MAPK13: variants seen among roughly 807,000 people sequenced by gnomAD.
MAPK13 encodes mitogen-activated protein kinase 13.
A neutral mutation model predicts 53.5 loss-of-function variants in MAPK13; 39 were observed. The ratio of observed to expected loss-of-function variants is 0.73; its 90% CI spans 0.56 to 0.95. The LOEUF is 0.95. Among genes scored for constraint, MAPK13 ranks in the 40% least tolerant of loss-of-function variants. MAPK13 has a pLI of 0.00. For synonymous variants in MAPK13, 179 were observed against 190.9 expected (o/e 0.94, Z 0.51); for missense variants, 460 against 471.8 (o/e 0.98, Z 0.23).
intron 9 of MAPK13, 94 bp downstream of exon 9, chr6:36,138,538 AG>A (rs1366015381): frequency 3.0e-6 from 4 of 1,353,590 alleles, no homozygotes; most frequent in Non-Finnish European, 3.1e-6. Flanking sequence ...AAGGCTCACC[AG>A]CACCTTCCCA....
At position 36,130,735 on chromosome 6, in the gene MAPK13, G is replaced by GGGGGGC. The variant is rs758340632; in HGVS notation, c.119+36_119+37insGGGCGG. 1 of 1,087,622 alleles carries GGGGGGC rather than the reference G, an allele frequency of 9.2e-7. No individual in the cohort carries two copies. Among genetic ancestry groups the GGGGGGC allele is most frequent in the Non-Finnish European group, 1.3e-6 (1 of 757,874 alleles). 67.4% of individuals were successfully genotyped at this position (1,087,622 alleles called of 1,614,324 possible). ...CCTGGGCCGCTGGGGGGCGGGGGGC[G>GGGGGGC]GGCGCCAGGCTCTCCCCTTTCCGCC... is the stretch of plus-strand genomic sequence containing the variant. On this transcript the variant is annotated intron_variant, in intron 1 of 11. Transcript: ENST00000211287. The surrounding 1 kb of genome is among the most constrained non-coding windows in gnomAD (Gnocchi z 4.5).
At chr6:36,139,133 C>G in intron 11 of MAPK13, 78 bp downstream of exon 11, 1 of 1,477,570 alleles carries the variant, frequency 6.8e-7, no homozygotes, top group African/African-American at 1.4e-5. Flanking sequence ...TGTGCCTGGC[C>G]TCTGCCAGCC....
chr6:36,134,640 C>T (rs543838080), intron 3 of MAPK13, among the ~76,000 whole-genome samples: 1 of 152,240 alleles, frequency 6.6e-6, no homozygotes, highest in South Asian at 2.1e-4. Context: ...TCAAGTGATC[C>T]TCCCACCTCA....
At chr6:36,138,497 G>A in intron 9 of MAPK13, 53 bp downstream of exon 9, 1 of 1,545,968 alleles carries the variant, frequency 6.5e-7, no homozygotes, top group Non-Finnish European at 8.9e-7. Flanking sequence ...TGCCTGACGT[G>A]GGCCCAGTGG....
At position 36,139,348 on chromosome 6, in the gene MAPK13, G is replaced by A. The variant is rs200916556; in HGVS notation, c.1073G>A (p.Arg358Gln). 5.0e-6 allele frequency: 8 copies of A among 1,614,114 alleles called. No individual in the cohort carries two copies. In the East Asian group the frequency reaches 6.7e-5, roughly 13 times the overall value. ...NFSPIARKDSRRRSGMKL is the reference protein window; with the variant it reads ...NFSPIARKDSQRRSGMKL Reference sequence around the variant, plus strand: ...AGCCCCATTGCCCGGAAGGACTCACGGCGCCGGAGTGGCATGAAGCTGTAG... The same window carrying A: ...AGCCCCATTGCCCGGAAGGACTCACAGCGCCGGAGTGGCATGAAGCTGTAG... The change falls in exon 12 of 12, where the codon CGG becomes CAG. Residue 358 changes from arginine to glutamine, a missense_variant. Transcript: ENST00000211287.
At chr6:36,135,889 G>GGTC in intron 4 of MAPK13, 28 bp downstream of exon 4, 1 of 1,599,154 alleles carries the variant, frequency 6.3e-7, no homozygotes, top group Non-Finnish European at 8.6e-7. Context: ...GGCTGGCAGA[G>GGTC]GGGACGCCTT....
intron 2 of MAPK13, among the ~76,000 whole-genome samples, chr6:36,132,030 C>T (rs1248524668): frequency 6.6e-6 from 1 of 152,234 alleles, no homozygotes; most frequent in Non-Finnish European, 1.5e-5. Context: ...GGCAGCCAGG[C>T]TTTGCTGCAG....
Position 36,136,682 on chromosome 6 carries a change from T to C in MAPK13, c.522T>C (p.His174=), listed in dbSNP as rs775157800. 1.9e-6 allele frequency: 3 copies of C among 1,613,856 alleles called. No homozygotes were observed. The highest frequency in any genetic ancestry group is 1.1e-5 in the South Asian group (1 of 91,034). The part of the protein sequence containing the change: ...LKILDFGLAR[H]ADAEMTGYVV... The stretch of plus-strand genomic sequence containing the variant: ...TTCTGGATTTTGGGCTGGCGCGACA[T>C]GCAGACGCCGAGATGACTGGCTACG... Residue 174 remains histidine (H), a synonymous_variant, in exon 7 of 12, where the codon CAT becomes CAC. Transcript: ENST00000211287.
intron 3 of MAPK13, among the ~76,000 whole-genome samples, chr6:36,133,253 C>T (rs1766353528): frequency 6.6e-6 from 1 of 152,208 alleles, no homozygotes; most frequent in South Asian, 2.1e-4. Context: ...TCTGGACTGA[C>T]CCTACAGGCA....
chr6:36,136,624 A>C (rs1156480975), intron 6 of MAPK13, 32 bp from the exon 7 acceptor site: 1 of 1,612,306 alleles, frequency 6.2e-7, no homozygotes, highest in South Asian at 1.1e-5. Flanking sequence ...CCCCTCAGCA[A>C]GTTCCTTTTC....
chr6:36,133,372 G>T (rs570373071), intron 3 of MAPK13, among the ~76,000 whole-genome samples: 2 of 152,196 alleles, frequency 1.3e-5, no homozygotes, highest in South Asian at 4.1e-4. Flanking sequence ...CGGAGGCAGA[G>T]GGGGAGAGCC....
In MAPK13 at chr6:36,130,932, G is replaced by T; in HGVS notation, c.119+231G>T. The T allele has an allele frequency of 1.9e-6, 1 of 514,066 alleles. No individual in the cohort carries two copies. The highest frequency in any genetic ancestry group is 3.4e-6 in the Non-Finnish European group (1 of 290,198). The allele number at this position is 514,066 out of a possible 1,614,324, so 31.8% of individuals were successfully genotyped here. A position where few individuals can be genotyped will look rare whatever the true frequency, so the allele number is the denominator to read the frequency against. On this transcript the variant is annotated intron_variant, in intron 1 of 11. Coordinates refer to ENST00000211287, the MANE Select transcript of MAPK13 (RefSeq NM_002754.5). The surrounding 1 kb of genome is among the most constrained non-coding windows in gnomAD (Gnocchi z 4.5). ...CCTGGTTCTCCAGGACTGTACACTT[G>T]CAAGACCCCAGAGTTCATCGGGCAG...
Position 36,139,247 on chromosome 6 carries a change from C to T in MAPK13, c.1019-47C>T, listed in dbSNP as rs368942533. 3.4e-4 allele frequency: 538 copies of T among 1,567,056 alleles called. 2 individuals are homozygous for T. Among genetic ancestry groups the T allele is most frequent in the Non-Finnish European group, 4.6e-4 (518 of 1,137,894 alleles). The stretch of plus-strand genomic sequence containing the variant: ...GTCTCTGAAGGGGGGTGGACTTTCT[C>T]GCCACAGCACCTCTTTACGCACCTT... On this transcript the variant is annotated intron_variant, in intron 11 of 11. Transcript: ENST00000211287.
rs958106704 is a variant in MAPK13, at chr6:36,141,187, T to G, written c.*1814T>G. 6.6e-6 allele frequency: 1 copy of G among 152,198 alleles called. No individual in the cohort carries two copies. The highest frequency in any genetic ancestry group is 2.4e-5 in the African/African-American group (1 of 41,450). 9.4% of individuals were successfully genotyped at this position (152,198 alleles called of 1,614,324 possible). A position where few individuals can be genotyped will look rare whatever the true frequency, so the allele number is the denominator to read the frequency against. On this transcript the variant is annotated 3_prime_UTR_variant, in exon 12 of 12. Coordinates refer to ENST00000211287, the MANE Select transcript of MAPK13 (RefSeq NM_002754.5). ...GTGCATTTGTTACCATCTGTAGGAC[T>G]GGATAACACAGAGTGAACCCTCAAG...
rs1414186868 is a variant in MAPK13, at chr6:36,135,759, G to A, written c.315G>A (p.Leu105=). The part of the protein sequence containing the change: ...SSLRNFYDFY[L]VMPFMQTDLQ... ...AACCCCTCATGCCTTCCAGCTACCT[G>A]GTGATGCCCTTCATGCAGACGGATC... is the stretch of plus-strand genomic sequence containing the variant. The change falls in exon 4 of 12, where the codon CTG becomes CTA. Residue 105 remains leucine, a synonymous_variant. Transcript: ENST00000211287. The A allele has an allele frequency of 6.2e-7, 1 of 1,612,416 alleles. No individual in the cohort carries two copies. Among genetic ancestry groups the A allele is most frequent in the East Asian group, 2.2e-5 (1 of 44,884 alleles).
Position 36,136,538 on chromosome 6 carries a change from G to A in MAPK13, c.495+7G>A. On this transcript the variant is annotated splice_region_variant and intron_variant, in intron 6 of 11. Transcript: ENST00000211287. ...TGAGGACTGTGAACTGAAGGTGAGT[G>A]GGCTGCAGGCTCAGCCCAGAGGCGG... 1 of 1,603,174 alleles carries A rather than the reference G, an allele frequency of 6.2e-7. No homozygotes were observed. Among genetic ancestry groups the A allele is most frequent in the East Asian group, 2.2e-5 (1 of 44,824 alleles).
intron 2 of MAPK13, 92 bp from the exon 3 acceptor site, chr6:36,132,529 G>A (rs961380289): frequency 3.6e-6 from 4 of 1,123,824 alleles, no homozygotes; most frequent in Non-Finnish European, 4.1e-6. Flanking sequence ...TATTAGGAAA[G>A]GGTGGATGGC....
Position 36,138,379 on chromosome 6 carries a change from A to G in MAPK13, c.697A>G (p.Thr233Ala). ...FKGKDYLDQL[T>A]QILKVTGVPG... ...CTGCCACCAAGACCTGGACCAGCTG[A>G]CCCAGATCCTGAAAGTGACCGGGGT... The change falls in exon 9 of 12, where the codon ACC (threonine) becomes GCC (alanine). Residue 233 changes from threonine (T) to alanine (A), a missense_variant. Coordinates refer to ENST00000211287, the MANE Select transcript of MAPK13 (RefSeq NM_002754.5). 1.2e-6 allele frequency: 2 copies of G among 1,613,968 alleles called. No individual in the cohort carries two copies. The highest frequency in any genetic ancestry group is 2.2e-5 in the South Asian group (2 of 91,064).
At chr6:36,132,707 G>T in intron 3 of MAPK13, 28 bp downstream of exon 3, 1 of 1,613,498 alleles carries the variant, frequency 6.2e-7, no homozygotes, top group Non-Finnish European at 8.5e-7. Flanking sequence ...GGGTTCTGGG[G>T]CATTTGCAGG....
Sources: allele counts gnomAD v4.1 joint callset (sites outside exome capture counted in the v4.1 genomes callset), GRCh38; gene constraint gnomAD v4.1.1; non-coding constraint Gnocchi (gnomAD v3.1); transcripts MANE v1.5; gene names NCBI Gene and HGNC (gene_info 2026-07-23, HGNC 2026-07-21).